BPIFB1: variants seen among roughly 807,000 people sequenced by gnomAD.
BPIFB1 encodes the protein BPI fold containing family B member 1, also known as BPI fold-containing family B member 1.
A neutral mutation model predicts 55.1 loss-of-function variants in BPIFB1; 34 were observed. The ratio of observed to expected loss-of-function variants is 0.62; its 90% CI spans 0.47 to 0.82. The LOEUF (loss-of-function observed/expected upper bound fraction) is 0.82. Among genes scored for constraint, BPIFB1 ranks in the 40% least tolerant of loss-of-function variants. The pLI is 0.00. For missense variants in BPIFB1, 532 were observed against 593.1 expected, an observed-to-expected ratio of 0.90 and a Z score of 1.07; for synonymous variants, 236 against 245.3, an observed-to-expected ratio of 0.96 and a Z score of 0.35.
intron 1 of BPIFB1, among the ~76,000 whole-genome samples, chr20:33,285,383 T>C (rs1980230459): frequency 6.6e-6 from 1 of 150,610 alleles, no homozygotes; most frequent in Non-Finnish European, 1.5e-5. Flanking sequence ...CAGAAGTTCT[T>C]TGTTCTGAGC....
At chr20:33,284,942 C>T (rs1055311888) in intron 1 of BPIFB1, among the ~76,000 whole-genome samples, 1 of 152,174 alleles carries the variant, frequency 6.6e-6, no homozygotes. Context: ...TTCAGTCCCT[C>T]CCCAGCCCCC....
At chr20:33,307,332 A>G (rs1407433589) in intron 15 of BPIFB1, 1 of 229,598 alleles carries the variant, frequency 4.4e-6, no homozygotes, top group Admixed American at 5.4e-5. Context: ...AAACACTCCC[A>G]TCTTTTTCAA....
chr20:33,297,700 C>G, intron 7 of BPIFB1, 112 bp downstream of exon 7: 1 of 1,112,852 alleles, frequency 9.0e-7, no homozygotes, highest in South Asian at 1.2e-5. Context: ...GCAACTCAGG[C>G]CCAGAAGCAG....
rs755292298 is a variant in BPIFB1, at chr20:33,301,291, C to T, written c.806C>T (p.Ser269Phe). The T allele has an allele frequency of 2.5e-6, 4 of 1,614,238 alleles. No homozygotes were observed. The East Asian group carries it at 6.7e-5, about 27-fold the overall frequency. ...VTKWFNNSAA[S>F]LTMPTLDNIP... ...AAGTGGTTCAATAACTCTGCAGCTT[C>T]CCTGACAATGCCCACCCTGGACAAC... The change falls in exon 9 of 16, where the codon TCC becomes TTC. Residue 269 changes from serine to phenylalanine, a missense_variant. Coordinates refer to ENST00000253354, the MANE Select transcript of BPIFB1 (RefSeq NM_033197.3).
chr20:33,292,218 C>T (rs976429502), intron 6 of BPIFB1, among the ~76,000 whole-genome samples: 10 of 152,192 alleles, frequency 6.6e-5, no homozygotes, highest in African/African-American at 2.4e-4. Context: ...TGAACAGTGA[C>T]GTGCTGATAA....
Position 33,309,328 on chromosome 20 carries a change from T to C in BPIFB1, c.1396-380T>C, listed in dbSNP as rs1489239149. 6.6e-6 allele frequency among the ~76,000 whole-genome samples: 1 copy of C among 152,176 alleles called. No individual in the cohort carries two copies. Among genetic ancestry groups the C allele is most frequent in the Non-Finnish European group, 1.5e-5 (1 of 68,024 alleles). On this transcript the variant is annotated intron_variant, in intron 15 of 15. Coordinates refer to ENST00000253354, the MANE Select transcript of BPIFB1 (RefSeq NM_033197.3). This position sits in a 1 kb window ranked among gnomAD's most constrained non-coding sequence, Gnocchi z 4.4. ...CTGCACACAGTAGGTGTTTAGTAAATGCCTGCTAACTGAGATGGACACCTT... is the reference window on the plus strand; with the variant it reads ...CTGCACACAGTAGGTGTTTAGTAAACGCCTGCTAACTGAGATGGACACCTT...
At chr20:33,288,241 T>G (rs1196086779) in intron 2 of BPIFB1, among the ~76,000 whole-genome samples, 1 of 152,204 alleles carries the variant, frequency 6.6e-6, no homozygotes, top group Admixed American at 6.5e-5. Flanking sequence ...CCAGGGCTCT[T>G]GACACTTATG....
chr20:33,300,007 G>A, intron 8 of BPIFB1, 23 bp downstream of exon 8: 2 of 1,597,906 alleles, frequency 1.3e-6, no homozygotes, highest in Non-Finnish European at 1.7e-6. Flanking sequence ...GGACCTTGAG[G>A]GTGAAGTGGG....
In BPIFB1 at chr20:33,289,848, G is replaced by A. The variant is rs372713897; in HGVS notation, c.258-37G>A. On this transcript the variant is annotated intron_variant, in intron 3 of 15. Transcript: ENST00000253354. ...GGAGTGGATTTGGGAATAATGAGCC[G>A]GAGGCATGATTCTGATCTCTCCTAA... 7.8e-5 allele frequency: 121 copies of A among 1,559,382 alleles called. 1 individual carries two copies. Among genetic ancestry groups the A allele is most frequent in the South Asian group, 6.3e-4 (57 of 89,996 alleles).
intron 8 of BPIFB1, among the ~76,000 whole-genome samples, chr20:33,300,579 C>T (rs1980815116): frequency 6.6e-6 from 1 of 152,088 alleles, no homozygotes; most frequent in African/African-American, 2.4e-5. Flanking sequence ...GAATCCCAGA[C>T]TAGGTTTCTT....
At chr20:33,288,693 C>A (rs780814777) in intron 2 of BPIFB1, 48 bp from the exon 3 acceptor site, 1 of 1,594,896 alleles carries the variant, frequency 6.3e-7, no homozygotes, top group Non-Finnish European at 8.6e-7. Context: ...ACCAAGCCTT[C>A]CTTCTTGCCC....
intron 14 of BPIFB1, chr20:33,306,629 C>A (rs1015529011): frequency 6.7e-6 from 3 of 447,178 alleles, no homozygotes; most frequent in African/African-American, 3.9e-5. Flanking sequence ...AGTATAGAAA[C>A]CTCTGCTGGG....
intron 2 of BPIFB1, among the ~76,000 whole-genome samples, chr20:33,287,974 A>C (rs748211316): frequency 9.2e-5 from 14 of 152,194 alleles, no homozygotes; most frequent in Non-Finnish European, 1.9e-4. Flanking sequence ...GCCCAGTTCC[A>C]TTACCACAGA....
chr20:33,289,096 C>T (rs1980366008), intron 3 of BPIFB1, among the ~76,000 whole-genome samples: 1 of 152,172 alleles, frequency 6.6e-6, no homozygotes, highest in South Asian at 2.1e-4. Context: ...AACCCCAGAG[C>T]AAGGCCAGGG....
chr20:33,301,365 G>T lies in BPIFB1; in HGVS notation c.880G>T (p.Ala294Ser), dbSNP rs1462828965. ...VSQDVVKAAV[A>S]AVLSPEEFMV... ...TCAGGACGTGGTGAAAGCTGCAGTGGCTGCTGTGCTCTCTCCAGAAGAATT... is the reference window on the plus strand; with the variant it reads ...TCAGGACGTGGTGAAAGCTGCAGTGTCTGCTGTGCTCTCTCCAGAAGAATT... The change falls in exon 9 of 16, where the codon GCT (alanine) becomes TCT (serine). Residue 294 changes from alanine to serine, a missense_variant. Ala to Ser is a moderately conservative substitution (Grantham distance 99, BLOSUM62 1). Transcript: ENST00000253354. The T allele has an allele frequency of 6.2e-7, 1 of 1,614,160 alleles. No individual in the cohort carries two copies. Among genetic ancestry groups the T allele is most frequent in the African/African-American group, 1.3e-5 (1 of 75,058 alleles).
chr20:33,284,956 G>C (rs1183611999), intron 1 of BPIFB1, among the ~76,000 whole-genome samples: 1 of 152,028 alleles, frequency 6.6e-6, no homozygotes, highest in Admixed American at 6.6e-5. Flanking sequence ...AGCCCCCTTA[G>C]TATTGCAGAT....
chr20:33,299,831 A>T, intron 7 of BPIFB1, 68 bp from the exon 8 acceptor site: 2 of 1,118,474 alleles, frequency 1.8e-6, no homozygotes, highest in East Asian at 2.6e-5. Context: ...ACCTGGAAGC[A>T]GCCCCCCAAC....
At chr20:33,288,497 G>A (rs538364453) in intron 2 of BPIFB1, among the ~76,000 whole-genome samples, 1 of 152,244 alleles carries the variant, frequency 6.6e-6, no homozygotes, top group East Asian at 1.9e-4. Flanking sequence ...CAATGCTCAG[G>A]GGTGTGAATG....
chr20:33,302,936 T>TTC lies in BPIFB1; in HGVS notation c.1002_1003insTC (p.Thr335SerfsTer5), dbSNP rs1264633403. The TTC allele has an allele frequency of 6.2e-7, 1 of 1,614,024 alleles. No individual in the cohort carries two copies. The highest frequency in any genetic ancestry group is 8.5e-7 in the Non-Finnish European group (1 of 1,180,016). On this transcript the variant is annotated frameshift_variant, in exon 11 of 16. Transcript: ENST00000253354. LOFTEE classifies it high-confidence loss of function. ...TCCAGGCTGCAGATAAGCTGGGATCTACCCAGATCGTGAAGATCCTAACTC... is the reference window on the plus strand; with the variant it reads ...TCCAGGCTGCAGATAAGCTGGGATCTTCACCCAGATCGTGAAGATCCTAACTC...
Sources: allele counts gnomAD v4.1 joint callset (sites outside exome capture counted in the v4.1 genomes callset), GRCh38; gene constraint gnomAD v4.1.1; non-coding constraint Gnocchi (gnomAD v3.1); transcripts MANE v1.5; gene names NCBI Gene and HGNC (gene_info 2026-07-23, HGNC 2026-07-21).